Variants in MAN1A1 observed in about 807,000 individuals in gnomAD.
MAN1A1 encodes the protein mannosidase alpha class 1A member 1.
MAN1A1 carries 29 observed loss-of-function variants against 70.8 expected under a neutral mutation model. The ratio of observed to expected loss-of-function variants is 0.41; its 90% CI spans 0.31 to 0.56. MAN1A1 has a LOEUF of 0.56. Among genes scored for constraint, MAN1A1 ranks in the 20% least tolerant of loss-of-function variants. MAN1A1 has a pLI of 0.29. For missense variants in MAN1A1, 747 were observed against 841.3 expected, an observed-to-expected ratio of 0.89 and a Z score of 1.39; for synonymous variants, 349 against 330.1, an observed-to-expected ratio of 1.06 and a Z score of -0.62.
At chr6:119,327,152 A>G (rs1303860687) in intron 2 of MAN1A1, 1 of 152,170 alleles carries the variant, frequency 6.6e-6, no homozygotes, top group Non-Finnish European at 1.5e-5. Flanking sequence ...GCCCAATCTA[A>G]TAAGTGGGCC....
chr6:119,329,550 A>C (rs1226529330), intron 2 of MAN1A1, among the ~76,000 whole-genome samples: 1 of 152,114 alleles, frequency 6.6e-6, no homozygotes, highest in Non-Finnish European at 1.5e-5. Flanking sequence ...ACTTGGGAAC[A>C]TGTGTCTTCC....
intron 7 of MAN1A1, among the ~76,000 whole-genome samples, chr6:119,202,986 C>T (rs1021373724): frequency 9.8e-5 from 13 of 132,148 alleles, no homozygotes; most frequent in Admixed American, 3.8e-4. Context: ...CAAGAGCTCT[C>T]TCTCTCTCTC....
intron 2 of MAN1A1, among the ~76,000 whole-genome samples, chr6:119,310,514 T>C (rs905308541): frequency 6.6e-6 from 1 of 152,152 alleles, no homozygotes; most frequent in African/African-American, 2.4e-5. Context: ...CAAAGGCAGA[T>C]TGCTGAGAGC....
intron 6 of MAN1A1, among the ~76,000 whole-genome samples, chr6:119,208,045 A>G (rs6923475): frequency 0.066 from 10,104 of 152,286 alleles, 374 homozygotes; most frequent in African/African-American, 0.097. Flanking sequence ...TTCAGAAACC[A>G]TTAGTTCCAT....
At chr6:119,192,531 C>A (rs928310644) in intron 9 of MAN1A1, among the ~76,000 whole-genome samples, 3 of 152,112 alleles carry the variant, frequency 2.0e-5, no homozygotes, top group Non-Finnish European at 4.4e-5. Context: ...TAAAAAAGTA[C>A]GCCTATGTCA....
chr6:119,317,730 GCATT>G (rs1772893772), intron 2 of MAN1A1, among the ~76,000 whole-genome samples: 1 of 152,040 alleles, frequency 6.6e-6, no homozygotes, highest in African/African-American at 2.4e-5. Context: ...CACAGTATAA[GCATT>G]TCCTTTTTGA....
intron 11 of MAN1A1, among the ~76,000 whole-genome samples, chr6:119,185,365 T>C (rs1290013719): frequency 6.6e-6 from 1 of 152,168 alleles, no homozygotes. Context: ...GACATTATTA[T>C]TAGAAATTTA....
At chr6:119,266,852 GT>G (rs1775772144) in intron 5 of MAN1A1, among the ~76,000 whole-genome samples, 2 of 152,234 alleles carry the variant, frequency 1.3e-5, no homozygotes, top group East Asian at 3.9e-4. Flanking sequence ...ATAAAGAACT[GT>G]TAATGAAAAT....
At chr6:119,322,618 T>C (rs1000223436) in intron 2 of MAN1A1, among the ~76,000 whole-genome samples, 1 of 152,178 alleles carries the variant, frequency 6.6e-6, no homozygotes, top group Admixed American at 6.6e-5. Context: ...AGAAATTATA[T>C]AATATACATA....
intron 11 of MAN1A1, among the ~76,000 whole-genome samples, chr6:119,180,752 G>A (rs764754113): frequency 6.6e-5 from 10 of 150,388 alleles, no homozygotes; most frequent in Admixed American, 1.3e-4. Flanking sequence ...GGGCTCAAGC[G>A]ATCTGCTTGC....
At chr6:119,295,917 A>T (rs1481884213) in intron 4 of MAN1A1, among the ~76,000 whole-genome samples, 1 of 152,178 alleles carries the variant, frequency 6.6e-6, no homozygotes, top group African/African-American at 2.4e-5. Flanking sequence ...TTACTAACAC[A>T]TGATAACGAT....
intron 6 of MAN1A1, among the ~76,000 whole-genome samples, chr6:119,234,297 A>G (rs527709125): frequency 2.6e-5 from 4 of 152,192 alleles, no homozygotes; most frequent in Non-Finnish European, 5.9e-5. Flanking sequence ...TTAAAAATTG[A>G]GTTTTTCTAC....
At chr6:119,275,721 C>T (rs539815506) in intron 5 of MAN1A1, among the ~76,000 whole-genome samples, 4 of 152,192 alleles carry the variant, frequency 2.6e-5, no homozygotes, top group African/African-American at 9.7e-5. Flanking sequence ...GGATTACAGG[C>T]GTGAGCCACT....
chr6:119,202,854 C>A (rs1374940634), intron 7 of MAN1A1, among the ~76,000 whole-genome samples: 1 of 152,056 alleles, frequency 6.6e-6, no homozygotes, highest in Non-Finnish European at 1.5e-5. Context: ...AACTGCATAC[C>A]CCTAATTTCA....
At chr6:119,187,497 T>C (rs1252926854) in intron 11 of MAN1A1, among the ~76,000 whole-genome samples, 1 of 152,202 alleles carries the variant, frequency 6.6e-6, no homozygotes, top group Non-Finnish European at 1.5e-5. Context: ...AAGACACATA[T>C]TAAATGAAGA....
At chr6:119,258,250 A>C (rs866132489) in intron 5 of MAN1A1, among the ~76,000 whole-genome samples, 1 of 152,198 alleles carries the variant, frequency 6.6e-6, no homozygotes, top group Non-Finnish European at 1.5e-5. Context: ...TTTGTTCAAG[A>C]AAAAGACAAA....
intron 2 of MAN1A1, among the ~76,000 whole-genome samples, chr6:119,347,012 G>A (rs1042436898): frequency 6.6e-6 from 1 of 152,236 alleles, no homozygotes; most frequent in Admixed American, 6.5e-5. Flanking sequence ...CTAGACAGTT[G>A]TTCTGGAAAG....
chr6:119,283,552 T>C (rs1400812005), intron 5 of MAN1A1, among the ~76,000 whole-genome samples: 1 of 149,854 alleles, frequency 6.7e-6, no homozygotes, highest in Non-Finnish European at 1.5e-5. Flanking sequence ...GAAAAGGAAG[T>C]GAAGGTGGGG....
chr6:119,219,763 A>AT (rs1399674108), intron 6 of MAN1A1, among the ~76,000 whole-genome samples: 1 of 152,174 alleles, frequency 6.6e-6, no homozygotes, highest in East Asian at 1.9e-4. Flanking sequence ...TCTTAAAGCA[A>AT]TGTAATTGCT....
Sources: gnomAD v4.1 joint callset for allele counts (sites outside exome capture counted in the v4.1 genomes callset) on GRCh38, gnomAD v4.1.1 for gene constraint, MANE v1.5 for transcripts, NCBI Gene and HGNC (gene_info 2026-07-23, HGNC 2026-07-21) for gene names.